SRBD1: variants seen among roughly 807,000 people sequenced by gnomAD.
SRBD1 encodes S1 RNA-binding domain-containing protein 1.
Under a neutral mutation model 115.3 loss-of-function variants are expected in SRBD1, and 88 were observed. That is an observed-to-expected ratio of 0.76 (90% CI 0.64 to 0.91). SRBD1 has a LOEUF of 0.91. Ranked by LOEUF, SRBD1 falls within the 40% of genes least tolerant of loss-of-function variation. SRBD1 has a pLI of 0.00. For synonymous variants in SRBD1, 509 were observed against 407.7 expected (o/e 1.25, Z -2.99); for missense variants, 1,385 against 1,177.4 (o/e 1.18, Z -2.58).
intron 16 of SRBD1, among the ~76,000 whole-genome samples, chr2:45,460,260 T>C (rs188404261): frequency 2.2e-3 from 328 of 152,262 alleles, no homozygotes; most frequent in Admixed American, 3.8e-3. Flanking sequence ...TGCCCGTAAA[T>C]TTGTATTTTG....
intron 14 of SRBD1, among the ~76,000 whole-genome samples, chr2:45,514,562 G>T (rs755723877): frequency 6.6e-6 from 1 of 152,162 alleles, no homozygotes. Flanking sequence ...AAATTTGGCA[G>T]AAAAATAATT....
intron 16 of SRBD1, among the ~76,000 whole-genome samples, chr2:45,456,195 A>C (rs1281963289): frequency 3.9e-5 from 6 of 151,922 alleles, no homozygotes; most frequent in African/African-American, 1.2e-4. Flanking sequence ...CCTTTCTGGA[A>C]AGTAAGGGGA....
chr2:45,428,555 AAAATAAATAAAT>A (rs986693164), intron 16 of SRBD1, among the ~76,000 whole-genome samples: 3 of 150,370 alleles, frequency 2.0e-5, no homozygotes, highest in Admixed American at 6.6e-5. Flanking sequence ...CCGTCTCAAA[AAAATAAATAAAT>A]AAATAAATAA....
intron 15 of SRBD1, among the ~76,000 whole-genome samples, chr2:45,483,438 G>A (rs1267742576): frequency 9.1e-6 from 1 of 110,226 alleles, no homozygotes; most frequent in Non-Finnish European, 2.4e-5. Context: ...TAACTTGCAT[G>A]ACCACATGCA....
chr2:45,497,278 A>G (rs1423140449), intron 14 of SRBD1, among the ~76,000 whole-genome samples: 1 of 152,230 alleles, frequency 6.6e-6, no homozygotes, highest in African/African-American at 2.4e-5. Context: ...ACATACCAAG[A>G]ACATGAAAGG....
At position 45,389,236 on chromosome 2, in the gene SRBD1, A is replaced by C; in HGVS notation, c.*74T>G. ...ATTTCTCATCTGCTACCTAGAGTTT[A>C]CAAACAACTGACTTATCCTTGTCAA... On this transcript the variant is annotated 3_prime_UTR_variant, in exon 21 of 21. Transcript: ENST00000263736. 8 of 1,517,286 alleles carry C rather than the reference A, an allele frequency of 5.3e-6. No individual in the cohort carries two copies. The highest frequency in any genetic ancestry group is 7.1e-6 in the Non-Finnish European group (8 of 1,124,288). 94.0% of individuals were successfully genotyped at this position (1,517,286 alleles called of 1,614,324 possible). A position where few individuals can be genotyped will look rare whatever the true frequency, so the allele number is the denominator to read the frequency against.
intron 14 of SRBD1, among the ~76,000 whole-genome samples, chr2:45,493,158 A>G (rs938576072): frequency 6.6e-6 from 1 of 152,234 alleles, no homozygotes; most frequent in African/African-American, 2.4e-5. Flanking sequence ...AAAATAATTT[A>G]TCTAAAAAAC....
At chr2:45,570,050 T>C (rs889465586) in intron 9 of SRBD1, among the ~76,000 whole-genome samples, 20 of 152,236 alleles carry the variant, frequency 1.3e-4, no homozygotes, top group African/African-American at 4.8e-4. Context: ...TAAAATTTTG[T>C]TGAAACACAA....
At chr2:45,562,830 C>G (rs1672714816) in intron 9 of SRBD1, 74 bp from the exon 10 acceptor site, 2 of 875,172 alleles carry the variant, frequency 2.3e-6, no homozygotes, top group Admixed American at 2.8e-5. Flanking sequence ...ATGTAGCTGA[C>G]AGCTATATGA....
At chr2:45,530,675 T>G (rs190092018) in intron 14 of SRBD1, among the ~76,000 whole-genome samples, 1 of 152,038 alleles carries the variant, frequency 6.6e-6, no homozygotes, top group Non-Finnish European at 1.5e-5. Flanking sequence ...GTGGCATGAA[T>G]AGAAAGGTAT....
intron 4 of SRBD1, among the ~76,000 whole-genome samples, chr2:45,596,988 T>TAACAAACA (rs139080511): frequency 7.1e-6 from 1 of 140,882 alleles, no homozygotes; most frequent in African/African-American, 2.6e-5. Flanking sequence ...CCCACAACCC[T>TAACAAACA]CACACACACA....
chr2:45,445,550 T>TAACAA (rs1668797167), intron 16 of SRBD1, among the ~76,000 whole-genome samples: 1 of 37,026 alleles, frequency 2.7e-5, no homozygotes, highest in African/African-American at 7.5e-5. Flanking sequence ...TTCCCAGAGG[T>TAACAA]AAAAAAAAAA....
chr2:45,533,578 G>C (rs1004192327), intron 14 of SRBD1, among the ~76,000 whole-genome samples: 11 of 151,978 alleles, frequency 7.2e-5, no homozygotes, highest in Admixed American at 4.6e-4. Context: ...CAGGAAATTG[G>C]TGAATTCCAC....
chr2:45,519,254 T>C (rs912902579), intron 14 of SRBD1, among the ~76,000 whole-genome samples: 16 of 152,184 alleles, frequency 1.1e-4, no homozygotes, highest in African/African-American at 3.6e-4. Context: ...AGTACAACTT[T>C]ATAACCCTCA....
At chr2:45,488,063 T>C (rs1192430267) in intron 15 of SRBD1, among the ~76,000 whole-genome samples, 177 bp downstream of exon 15, 1 of 152,236 alleles carries the variant, frequency 6.6e-6, no homozygotes, top group East Asian at 1.9e-4. Flanking sequence ...ATTCTTCCTC[T>C]TCTTTTCCAT....
At chr2:45,492,669 G>A (rs904285263) in intron 14 of SRBD1, among the ~76,000 whole-genome samples, 4 of 152,044 alleles carry the variant, frequency 2.6e-5, no homozygotes, top group Non-Finnish European at 5.9e-5. Context: ...TCGATCTCCT[G>A]ACCTCGTGAT....
rs147005902 is a variant in SRBD1, at chr2:45,553,637, G to A, written c.1503C>T (p.Leu501=). The change falls in exon 11 of 21, where the codon CTC becomes CTT. Residue 501 remains leucine (L), a synonymous_variant. Transcript: ENST00000263736. ...AAGATATATACCTGAATTCTCTACA[G>A]AGAAGAGGATAAATAAGGCGTTTAA... ...DSFKRLIYPL[L]CREFRAKLTS... is the part of the protein sequence containing the mutation. The A allele has an allele frequency of 1.9e-3, 3,081 of 1,593,166 alleles. 4 individuals carry two copies. The highest frequency in any genetic ancestry group is 2.4e-3 in the Non-Finnish European group (2,756 of 1,171,030).
chr2:45,414,966 AGT>A (rs1458458047), intron 18 of SRBD1, among the ~76,000 whole-genome samples: 1 of 109,178 alleles, frequency 9.2e-6, no homozygotes, highest in Non-Finnish European at 1.9e-5. Context: ...ACACACATAT[AGT>A]GTGTATATAG....
intron 16 of SRBD1, among the ~76,000 whole-genome samples, chr2:45,443,563 T>A (rs971590137): frequency 6.6e-6 from 1 of 152,044 alleles, no homozygotes; most frequent in Non-Finnish European, 1.5e-5. Flanking sequence ...GGTGGACATA[T>A]GGAGTTTGGA....
Sources: gnomAD v4.1 joint callset for allele counts (sites outside exome capture counted in the v4.1 genomes callset) on GRCh38, gnomAD v4.1.1 for gene constraint, MANE v1.5 for transcripts, NCBI Gene and HGNC (gene_info 2026-07-23, HGNC 2026-07-21) for gene names.